Variants in KPNA4 observed in about 807,000 individuals in gnomAD.
KPNA4 encodes karyopherin subunit alpha 4.
KPNA4 carries 13 observed loss-of-function variants against 71.3 expected under a neutral mutation model. The ratio of observed to expected loss-of-function variants is 0.18; its 90% CI spans 0.12 to 0.29. The LOEUF (loss-of-function observed/expected upper bound fraction) is 0.29, where lower values mean the gene tolerates loss of function less well. Ranked by LOEUF, KPNA4 falls within the 10% of genes least tolerant of loss-of-function variation. The pLI, the probability that KPNA4 is intolerant of heterozygous loss-of-function variation, is 1.00. For missense variants in KPNA4, 334 were observed against 603.2 expected, an observed-to-expected ratio of 0.55 and a Z score of 4.67; for synonymous variants, 189 against 195.2, an observed-to-expected ratio of 0.97 and a Z score of 0.26.
At chr3:160,538,644 G>A (rs528687836) in intron 1 of KPNA4, among the ~76,000 whole-genome samples, 30 of 152,122 alleles carry the variant, frequency 2.0e-4, no homozygotes, top group Non-Finnish European at 3.4e-4. Context: ...TAAAAGCCCA[G>A]TCTTTACAGT....
At chr3:160,518,348 G>A (rs1028190764) in intron 11 of KPNA4, among the ~76,000 whole-genome samples, 2 of 150,002 alleles carry the variant, frequency 1.3e-5, no homozygotes, top group Non-Finnish European at 3.0e-5. Flanking sequence ...TGTTAGCCAG[G>A]ATGGTCTCGA....
chr3:160,546,079 A>G (rs1302899198), intron 1 of KPNA4, among the ~76,000 whole-genome samples: 1 of 151,446 alleles, frequency 6.6e-6, no homozygotes, highest in Non-Finnish European at 1.5e-5. Context: ...GAGACTAAAA[A>G]TATCAATTTG....
chr3:160,563,762 A>G lies in KPNA4; in HGVS notation c.69+1452T>C, dbSNP rs538164491. On this transcript the variant is annotated intron_variant, in intron 1 of 16. Coordinates refer to ENST00000334256, the MANE Select transcript of KPNA4 (RefSeq NM_002268.5). ...ATTTACTGAAAAATCATTGTTATTT[A>G]AGAAGCTCATTTTTATGGCATGCAA... is the stretch of plus-strand genomic sequence containing the variant. Among the ~76,000 whole-genome samples, 19 of 152,306 alleles carry G rather than the reference A, an allele frequency of 1.2e-4. No homozygotes were observed. The South Asian group carries it at 3.9e-3, about 32-fold the overall frequency.
intron 16 of KPNA4, among the ~76,000 whole-genome samples, chr3:160,504,169 A>C (rs909193366): frequency 6.6e-6 from 1 of 152,242 alleles, no homozygotes; most frequent in African/African-American, 2.4e-5. Context: ...AACAACTGTA[A>C]GTAAATAGTC....
At chr3:160,531,432 T>TAAA in intron 6 of KPNA4, 30 bp downstream of exon 6, 5 of 965,300 alleles carry the variant, frequency 5.2e-6, no homozygotes, top group Middle Eastern at 3.6e-4. Context: ...CATTCTAAAT[T>TAAA]AAAAAAAAAA....
At chr3:160,503,026 C>A (rs1720914663) in intron 16 of KPNA4, among the ~76,000 whole-genome samples, 2 of 151,606 alleles carry the variant, frequency 1.3e-5, no homozygotes, top group Non-Finnish European at 2.9e-5. Flanking sequence ...GTGGAGAATT[C>A]CTTGAACCTG....
At chr3:160,513,393 C>T (rs1207268840) in intron 13 of KPNA4, among the ~76,000 whole-genome samples, 2 of 151,186 alleles carry the variant, frequency 1.3e-5, no homozygotes, top group East Asian at 2.0e-4. Context: ...GTAGCTAGAA[C>T]CACAGGCGCA....
At chr3:160,527,516 A>C (rs544615989) in intron 8 of KPNA4, among the ~76,000 whole-genome samples, 1 of 152,300 alleles carries the variant, frequency 6.6e-6, no homozygotes, top group South Asian at 2.1e-4. Flanking sequence ...AGAGAGAAAA[A>C]ATTTCATTTT....
chr3:160,543,479 T>C (rs1721847755), intron 1 of KPNA4, among the ~76,000 whole-genome samples: 1 of 151,940 alleles, frequency 6.6e-6, no homozygotes, highest in Non-Finnish European at 1.5e-5. Flanking sequence ...ACTACAGGTG[T>C]GCACCACCAA....
chr3:160,565,278 G>T lies in KPNA4; in HGVS notation c.5C>A (p.Ala2Glu). The part of the protein sequence containing the change: M[A>E]DNEKLDNQRL... The stretch of plus-strand genomic sequence containing the variant: ...TTGGTTGTCCAGTTTCTCGTTGTCC[G>T]CCATGGCCGGGCCGGTGACTCCTTC... Residue 2 changes from alanine to glutamate, a missense_variant, in exon 1 of 17, where the codon GCG (alanine) becomes GAG (glutamate). Physicochemically the swap from Ala to Glu is moderately radical, Grantham distance 107. Transcript: ENST00000334256. 6.2e-7 allele frequency: 1 copy of T among 1,601,820 alleles called. No homozygotes were observed.
chr3:160,533,449 A>T (rs1463705394), intron 5 of KPNA4, among the ~76,000 whole-genome samples: 3 of 142,956 alleles, frequency 2.1e-5, no homozygotes, highest in African/African-American at 7.9e-5. Flanking sequence ...GTGGAAATTT[A>T]AAAAAAAAAA....
intron 1 of KPNA4, among the ~76,000 whole-genome samples, chr3:160,541,033 A>G (rs1721787289): frequency 1.3e-5 from 2 of 152,222 alleles, no homozygotes. Flanking sequence ...TTTAATGAAC[A>G]TTTACTATGC....
At position 160,535,644 on chromosome 3, in the gene KPNA4, G is replaced by A. The variant is rs1721674428; in HGVS notation, c.234+17C>T. Reference sequence around the variant, plus strand: ...GACAAGAAATGCAAATGAAGAGAGGGAAAAAATCCAACTTACTTGAACAAT... The same window carrying A: ...GACAAGAAATGCAAATGAAGAGAGGAAAAAAATCCAACTTACTTGAACAAT... On this transcript the variant is annotated intron_variant, in intron 4 of 16. Coordinates refer to ENST00000334256, the MANE Select transcript of KPNA4 (RefSeq NM_002268.5). 3.8e-6 allele frequency: 6 copies of A among 1,584,242 alleles called. No individual in the cohort carries two copies. The highest frequency in any genetic ancestry group is 1.2e-5 in the South Asian group (1 of 84,084).
Position 160,499,275 on chromosome 3 carries a change from T to C in KPNA4, c.*2829A>G, listed in dbSNP as rs376943106. On this transcript the variant is annotated 3_prime_UTR_variant, in exon 17 of 17. Coordinates refer to ENST00000334256, the MANE Select transcript of KPNA4 (RefSeq NM_002268.5). ...ATTACAAAGGAAATATATTTAAAGA[T>C]AGATTTTAGACTAGGGCGTCTCACA... is the stretch of plus-strand genomic sequence containing the variant. 17 of 152,262 alleles carry C rather than the reference T, an allele frequency of 1.1e-4. No individual in the cohort carries two copies. Among genetic ancestry groups the C allele is most frequent in the Admixed American group, 3.3e-4 (5 of 15,278 alleles). The allele number at this position is 152,262 out of a possible 1,614,324, so 9.4% of individuals were successfully genotyped here. A position where few individuals can be genotyped will look rare whatever the true frequency, so the allele number is the denominator to read the frequency against.
rs1720996224 is a variant in KPNA4 at position 160,506,988 on chromosome 3, TTC to T, written c.1372+1117_1372+1118del. Among the ~76,000 whole-genome samples the T allele has an allele frequency of 2.6e-5, 4 of 152,222 alleles. No individual in the cohort carries two copies. The South Asian group carries it at 6.2e-4, about 24-fold the overall frequency. ...CCTCTCTTTTCATTCACTTTTCAAC[TTC>T]TGTCAGAAATACCTTTATATTTATG... On this transcript the variant is annotated intron_variant, in intron 15 of 16. Transcript: ENST00000334256.
intron 11 of KPNA4, among the ~76,000 whole-genome samples, chr3:160,518,968 A>AATTTTATTT: frequency 6.6e-6 from 1 of 152,196 alleles, no homozygotes; most frequent in Admixed American, 6.5e-5. Flanking sequence ...AGTATCACAA[A>AATTTTATTT]ATTTTATTTA....
chr3:160,564,114 A>G (rs1486104243), intron 1 of KPNA4: 1 of 152,212 alleles, frequency 6.6e-6, no homozygotes, highest in Admixed American at 6.5e-5. Flanking sequence ...AAGATGCAGA[A>G]GGGAAGTATT....
Position 160,540,890 on chromosome 3 carries a change from T to G in KPNA4, c.70-4050A>C, listed in dbSNP as rs116630971. 7.4e-3 allele frequency among the ~76,000 whole-genome samples: 1,124 copies of G among 152,294 alleles called. 16 individuals are homozygous for G. The highest frequency in any genetic ancestry group is 0.025 in the African/African-American group (1,038 of 41,556). ...AGAGTTTAGGCAGATCACTCAGGTA[T>G]TTTATATTTCTTTGCTTGTCAAACA... On this transcript the variant is annotated intron_variant, in intron 1 of 16. Coordinates refer to ENST00000334256, the MANE Select transcript of KPNA4 (RefSeq NM_002268.5).
At chr3:160,522,168 G>A (rs549058030) in intron 10 of KPNA4, among the ~76,000 whole-genome samples, 17 of 152,150 alleles carry the variant, frequency 1.1e-4, no homozygotes, top group African/African-American at 3.4e-4. Flanking sequence ...AGATACACAC[G>A]CACACTACAC....
Sources: allele counts gnomAD v4.1 joint callset (sites outside exome capture counted in the v4.1 genomes callset), GRCh38; gene constraint gnomAD v4.1.1; transcripts MANE v1.5; gene names NCBI Gene and HGNC (gene_info 2026-07-23, HGNC 2026-07-21).